DGKI: variants seen among roughly 807,000 people sequenced by gnomAD.
DGKI encodes diacylglycerol kinase iota, also known as DAG kinase iota.
DGKI carries 55 observed loss-of-function variants against 147.5 expected under a neutral mutation model. The observed-to-expected ratio is 0.37, with a 90% CI of 0.30 to 0.47. DGKI has a LOEUF of 0.47. DGKI is among the 20% of genes least tolerant of loss of function. The probability of loss-of-function intolerance (pLI) is 1.00; values close to 1 mark genes in which losing one functional copy is unlikely to be tolerated. For synonymous variants in DGKI, 469 were observed against 477.1 expected (o/e 0.98, Z 0.22); for missense variants, 1,007 against 1,323.8 (o/e 0.76, Z 3.71).
chr7:137,489,160 T>C (rs1432731316), intron 21 of DGKI, among the ~76,000 whole-genome samples: 10 of 152,140 alleles, frequency 6.6e-5, no homozygotes, highest in Admixed American at 5.2e-4. Context: ...TGGAAGCCTG[T>C]GAGTGAGTGT....
At chr7:137,508,992 AAGG>A (rs1179129239) in intron 21 of DGKI, among the ~76,000 whole-genome samples, 1 of 152,104 alleles carries the variant, frequency 6.6e-6, no homozygotes. Flanking sequence ...TAAGGAACTC[AAGG>A]AGGAGAGGCA....
chr7:137,648,825 T>C (rs775759086), intron 5 of DGKI, among the ~76,000 whole-genome samples: 1 of 152,204 alleles, frequency 6.6e-6, no homozygotes, highest in Non-Finnish European at 1.5e-5. Context: ...TATCATATAG[T>C]TTAGTCAGGG....
intron 1 of DGKI, among the ~76,000 whole-genome samples, chr7:137,727,208 A>G (rs1794741811): frequency 6.6e-6 from 1 of 152,174 alleles, no homozygotes. Flanking sequence ...GGGGACAGGA[A>G]TTACCAGCCA....
chr7:137,729,115 C>G (rs1194066555), intron 1 of DGKI, among the ~76,000 whole-genome samples: 1 of 135,594 alleles, frequency 7.4e-6, no homozygotes, highest in Non-Finnish European at 1.5e-5. Context: ...TGAGAAAAAA[C>G]AGAGTAACTC....
At chr7:137,436,900 G>A (rs1324211946) in intron 28 of DGKI, among the ~76,000 whole-genome samples, 1 of 152,088 alleles carries the variant, frequency 6.6e-6, no homozygotes, top group Non-Finnish European at 1.5e-5. Flanking sequence ...GAAAAAAATT[G>A]TCATCTCTCA....
chr7:137,603,682 G>C (rs1285685107), intron 10 of DGKI, among the ~76,000 whole-genome samples: 2 of 152,166 alleles, frequency 1.3e-5, no homozygotes, highest in Non-Finnish European at 2.9e-5. Flanking sequence ...GAGATTAGAA[G>C]GCGTTGTAAG....
At chr7:137,597,546 T>G (rs1054272168) in intron 12 of DGKI, among the ~76,000 whole-genome samples, 3 of 152,194 alleles carry the variant, frequency 2.0e-5, no homozygotes, top group Admixed American at 2.0e-4. Context: ...CAGCTTATAT[T>G]TTAAAAGGAA....
chr7:137,526,977 A>G (rs1163609744), intron 20 of DGKI, among the ~76,000 whole-genome samples: 1 of 152,168 alleles, frequency 6.6e-6, no homozygotes, highest in African/African-American at 2.4e-5. Context: ...CACGGACTCC[A>G]TTAACTCATT....
At chr7:137,743,843 C>T (rs1221839831) in intron 1 of DGKI, among the ~76,000 whole-genome samples, 4 of 151,770 alleles carry the variant, frequency 2.6e-5, no homozygotes, top group African/African-American at 4.8e-5. Flanking sequence ...ATTAGCTGGG[C>T]GTGGTGGCAG....
chr7:137,828,562 C>T (rs1483803743), intron 1 of DGKI, among the ~76,000 whole-genome samples: 1 of 152,128 alleles, frequency 6.6e-6, no homozygotes, highest in Non-Finnish European at 1.5e-5. Flanking sequence ...TCTCCTTTTC[C>T]TTTTTCATTT....
rs201657356 is a variant in DGKI, at chr7:137,667,804, T to C, written c.606+10753A>G. 3.0e-3 allele frequency among the ~76,000 whole-genome samples: 464 copies of C among 152,324 alleles called. 2 individuals carry two copies. The highest frequency in any genetic ancestry group is 9.9e-3 in the South Asian group (48 of 4,828). On this transcript the variant is annotated intron_variant, in intron 3 of 32. Coordinates refer to ENST00000614521, the MANE Select transcript of DGKI (RefSeq NM_001321708.2). ...GGAAGACCCACAGACATCTCAGTCA[T>C]TGTTTACTCAACACTGTACCTCCAG... is the stretch of plus-strand genomic sequence containing the variant.
At chr7:137,585,951 A>G (rs953803176) in intron 13 of DGKI, among the ~76,000 whole-genome samples, 2 of 152,232 alleles carry the variant, frequency 1.3e-5, no homozygotes, top group Admixed American at 1.3e-4. Flanking sequence ...GGAAGGGAGA[A>G]GTTAACACTG....
intron 1 of DGKI, among the ~76,000 whole-genome samples, chr7:137,843,784 CACACACACACA>C: frequency 1.3e-5 from 2 of 151,578 alleles, no homozygotes; most frequent in African/African-American, 4.9e-5. Flanking sequence ...CACACACACA[CACACACACACA>C]CCCTCTCTCC....
chr7:137,591,473 C>T (rs1347723745), intron 12 of DGKI, among the ~76,000 whole-genome samples: 1 of 152,084 alleles, frequency 6.6e-6, no homozygotes, highest in Non-Finnish European at 1.5e-5. Flanking sequence ...CTCCACAGCT[C>T]CTGAATAGTT....
intron 6 of DGKI, among the ~76,000 whole-genome samples, chr7:137,635,966 C>T (rs1378606341): frequency 6.6e-6 from 1 of 152,204 alleles, no homozygotes; most frequent in Non-Finnish European, 1.5e-5. Flanking sequence ...CTTTAAGCTA[C>T]TGCTGCACCC....
At chr7:137,635,490 T>C (rs952667117) in intron 6 of DGKI, among the ~76,000 whole-genome samples, 6 of 152,162 alleles carry the variant, frequency 3.9e-5, no homozygotes, top group Non-Finnish European at 8.8e-5. Context: ...AGCACCACTA[T>C]GCAAGGGCTT....
At chr7:137,555,486 A>G (rs1419465256) in intron 19 of DGKI, among the ~76,000 whole-genome samples, 1 of 152,030 alleles carries the variant, frequency 6.6e-6, no homozygotes, top group Non-Finnish European at 1.5e-5. Context: ...TGATCACGCC[A>G]CTGCACTCCA....
intron 23 of DGKI, among the ~76,000 whole-genome samples, chr7:137,474,242 A>C (rs757709952): frequency 2.0e-5 from 3 of 152,242 alleles, no homozygotes; most frequent in Non-Finnish European, 4.4e-5. Context: ...GTCTCAAAAA[A>C]AATTGCCCTT....
chr7:137,589,195 T>C (rs936860030), intron 12 of DGKI, among the ~76,000 whole-genome samples: 3 of 152,252 alleles, frequency 2.0e-5, no homozygotes, highest in African/African-American at 7.2e-5. Flanking sequence ...CATGGAATTT[T>C]CTCAAGACCA....
Sources: allele counts gnomAD v4.1 joint callset (sites outside exome capture counted in the v4.1 genomes callset), GRCh38; gene constraint gnomAD v4.1.1; transcripts MANE v1.5; gene names NCBI Gene and HGNC (gene_info 2026-07-23, HGNC 2026-07-21).